The following CEP57L1 variants were observed in gnomAD, a reference collection of about 807,000 sequenced individuals.
The protein encoded by CEP57L1 is centrosomal protein 57 like 1, also known as centrosomal protein CEP57L1.
CEP57L1 carries 37 observed loss-of-function variants against 61.0 expected under a neutral mutation model. That is an observed-to-expected ratio of 0.61 (90% confidence interval 0.47 to 0.80). The LOEUF (loss-of-function observed/expected upper bound fraction) is 0.80, where lower values mean the gene tolerates loss of function less well. Ranked by LOEUF, CEP57L1 falls within the 30% of genes least tolerant of loss-of-function variation. CEP57L1 has a pLI of 0.00. For missense variants in CEP57L1, 422 were observed against 524.7 expected (o/e 0.80, Z 1.91); for synonymous variants, 137 against 162.3 (o/e 0.84, Z 1.19).
At position 109,159,326 on chromosome 6, in the gene CEP57L1, A is replaced by T. The variant is rs1413585619; in HGVS notation, c.880A>T (p.Arg294Ter). The T allele has an allele frequency of 6.2e-7, 1 of 1,614,006 alleles. No homozygotes were observed. The highest frequency in any genetic ancestry group is 2.2e-5 in the East Asian group (1 of 44,888). ...GAAACCTTTTAACGTGACTGAGACTAGATGTCTCCCCAAGCCTTCTAGAAC... is the reference window on the plus strand; with the variant it reads ...GAAACCTTTTAACGTGACTGAGACTTGATGTCTCCCCAAGCCTTCTAGAAC... ...LQKPFNVTET[R>*]CLPKPSRTTS... Residue 294 changes from arginine to a stop codon, truncating the protein, a stop_gained, in exon 9 of 11, where the codon AGA (arginine) becomes TGA (stop). Coordinates refer to ENST00000517392, the MANE Select transcript of CEP57L1 (RefSeq NM_001271852.3). LOFTEE classifies it high-confidence loss of function.
intron 1 of CEP57L1, among the ~76,000 whole-genome samples, chr6:109,121,700 G>A (rs1772990875): frequency 6.6e-6 from 1 of 152,162 alleles, no homozygotes; most frequent in Non-Finnish European, 1.5e-5. Flanking sequence ...CATTTACATA[G>A]ACTCTAGGGT....
Position 109,116,732 on chromosome 6 carries a change from T to C in CEP57L1, c.-4+21157T>C, listed in dbSNP as rs141898943. On this transcript the variant is annotated intron_variant, in intron 1 of 10. Transcript: ENST00000517392. ...CTAAAAATCTCCAGTAATGCCTTAA[T>C]TCAAAACAGGCCCAGACAATTTGAC... 3.7e-3 allele frequency among the ~76,000 whole-genome samples: 557 copies of C among 152,262 alleles called. 12 individuals are homozygous for C. The highest frequency in any genetic ancestry group is 1.5e-3 in the East Asian group (8 of 5,186).
rs1225416520 is a variant in CEP57L1 at position 109,172,885 on chromosome 6, G to A, written c.*9915G>A. The stretch of plus-strand genomic sequence containing the variant: ...CTGGAGGCTTTTTCAAGCCCAAGAG[G>A]TTGTCATTTCTTTATGTGTAAGATA... On this transcript the variant is annotated 3_prime_UTR_variant, in exon 11 of 11. Coordinates refer to ENST00000517392, the MANE Select transcript of CEP57L1 (RefSeq NM_001271852.3). Among the ~76,000 whole-genome samples, 7 of 152,174 alleles carry A rather than the reference G, an allele frequency of 4.6e-5. No homozygotes were observed. Among genetic ancestry groups the A allele is most frequent in the Non-Finnish European group, 1.0e-4 (7 of 68,030 alleles).
At position 109,127,682 on chromosome 6, in the gene CEP57L1, G is replaced by A. The variant is rs192627237; in HGVS notation, c.-3-17537G>A. Among the ~76,000 whole-genome samples, 40 of 151,848 alleles carry A rather than the reference G, an allele frequency of 2.6e-4. 1 individual carries two copies. The highest frequency in any genetic ancestry group is 2.3e-3 in the East Asian group (12 of 5,158). On this transcript the variant is annotated intron_variant, in intron 1 of 10. Coordinates refer to ENST00000517392, the MANE Select transcript of CEP57L1 (RefSeq NM_001271852.3). ...GTCACCCAGGCTGGAGTGCAGTGGC[G>A]CAGTCTCGGCTTGCTGCAACCTCCG...
At chr6:109,128,735 AG>A (rs1365505430) in intron 1 of CEP57L1, among the ~76,000 whole-genome samples, 1 of 152,202 alleles carries the variant, frequency 6.6e-6, no homozygotes, top group African/African-American at 2.4e-5. Context: ...CAAATTCACT[AG>A]GATCTATCAT....
At chr6:109,139,235 T>C (rs1771076760) in intron 1 of CEP57L1, among the ~76,000 whole-genome samples, 1 of 152,198 alleles carries the variant, frequency 6.6e-6, no homozygotes, top group Admixed American at 6.5e-5. Context: ...AGCTGGACAG[T>C]GTGAGATTTC....
intron 1 of CEP57L1, among the ~76,000 whole-genome samples, chr6:109,111,265 G>C (rs188888625): frequency 1.3e-5 from 2 of 152,046 alleles, no homozygotes; most frequent in Non-Finnish European, 2.9e-5. Flanking sequence ...TGTATTCCTA[G>C]GTATTTTTTT....
rs964930290 is a variant in CEP57L1 at position 109,164,947 on chromosome 6, G to A, written c.*1977G>A. Among the ~76,000 whole-genome samples the A allele has an allele frequency of 2.6e-5, 4 of 151,778 alleles. No individual in the cohort carries two copies. Among genetic ancestry groups the A allele is most frequent in the East Asian group, 1.9e-4 (1 of 5,150 alleles). On this transcript the variant is annotated 3_prime_UTR_variant, in exon 11 of 11. Transcript: ENST00000517392. ...ACAAAAATTAGCCGGGTGTGGTGGC[G>A]CATGCCTGTAATCCCAGCTACTTGG...
In CEP57L1 at chr6:109,159,081, A is replaced by T; in HGVS notation, c.801A>T (p.Ala267=). 6.2e-7 allele frequency: 1 copy of T among 1,613,988 alleles called. No individual in the cohort carries two copies. The highest frequency in any genetic ancestry group is 8.5e-7 in the Non-Finnish European group (1 of 1,179,924). ...GGCAAATTTGTTCAAAGTTTGGAGC[A>T]CTGCCTTTTGTGGCTGAAAAGGTGA... ...PPWQICSKFG[A]LPFVAEKMRQ... The change falls in exon 8 of 11, where the codon GCA becomes GCT. Residue 267 remains alanine, a synonymous_variant. Transcript: ENST00000517392.
rs548078560 is a variant in CEP57L1, at chr6:109,134,992, A to G, written c.-3-10227A>G. Reference sequence around the variant, plus strand: ...TCGTGAAAATGGCCATACTGCCCAAAGTAATTTATAGATTCAATGCCATCC... The same window carrying G: ...TCGTGAAAATGGCCATACTGCCCAAGGTAATTTATAGATTCAATGCCATCC... On this transcript the variant is annotated intron_variant, in intron 1 of 10. Coordinates refer to ENST00000517392, the MANE Select transcript of CEP57L1 (RefSeq NM_001271852.3). Among the ~76,000 whole-genome samples, 1,271 of 152,238 alleles carry G rather than the reference A, an allele frequency of 8.3e-3. 23 individuals are homozygous for G. Among genetic ancestry groups the G allele is most frequent in the African/African-American group, 0.029 (1,219 of 41,520 alleles).
At position 109,155,324 on chromosome 6, in the gene CEP57L1, A is replaced by G. The variant is rs780233503; in HGVS notation, c.657+17A>G. 1 of 1,348,206 alleles carries G rather than the reference A, an allele frequency of 7.4e-7. No individual in the cohort carries two copies. Among genetic ancestry groups the G allele is most frequent in the East Asian group, 2.4e-5 (1 of 41,128 alleles). The allele number at this position is 1,348,206 out of a possible 1,614,324, so 83.5% of individuals were successfully genotyped here. A position where few individuals can be genotyped will look rare whatever the true frequency, so the allele number is the denominator to read the frequency against. On this transcript the variant is annotated intron_variant, in intron 6 of 10. Transcript: ENST00000517392. ...GCTTCTGAGGTAAATATAGCACTAT[A>G]TAATCTATCACAGTAAACCATATAT... is the stretch of plus-strand genomic sequence containing the variant.
At chr6:109,104,613 A>T (rs1179937242) in intron 1 of CEP57L1, among the ~76,000 whole-genome samples, 4 of 151,888 alleles carry the variant, frequency 2.6e-5, no homozygotes, top group Admixed American at 2.6e-4. Context: ...ACAGAATCCC[A>T]CTCTGTTGCC....
intron 1 of CEP57L1, among the ~76,000 whole-genome samples, chr6:109,139,806 A>G (rs138446701): frequency 6.6e-6 from 1 of 151,956 alleles, no homozygotes; most frequent in East Asian, 1.9e-4. Context: ...TAATTTTTGT[A>G]TATTTAAGAG....
Position 109,165,162 on chromosome 6 carries a change from GA to G in CEP57L1, c.*2198del, listed in dbSNP as rs924557171. On this transcript the variant is annotated 3_prime_UTR_variant, in exon 11 of 11. Coordinates refer to ENST00000517392, the MANE Select transcript of CEP57L1 (RefSeq NM_001271852.3). ...TCTTAAAAATTAGTCCAGTGTAGTA[GA>G]AAAAACCACAACTTCAGAGCTAGGA... 6.6e-6 allele frequency among the ~76,000 whole-genome samples: 1 copy of G among 151,920 alleles called. No homozygotes were observed. Among genetic ancestry groups the G allele is most frequent in the East Asian group, 1.9e-4 (1 of 5,180 alleles).
Position 109,168,891 on chromosome 6 carries a change from T to C in CEP57L1, c.*5921T>C, listed in dbSNP as rs1774271856. On this transcript the variant is annotated 3_prime_UTR_variant, in exon 11 of 11. Transcript: ENST00000517392. ...GATTACAGGCGTGAGCCACCATGCC[T>C]GGCCAGCATTTTTTAAATGATATAA... Among the ~76,000 whole-genome samples, 1 of 150,674 alleles carries C rather than the reference T, an allele frequency of 6.6e-6. No homozygotes were observed. The highest frequency in any genetic ancestry group is 6.6e-5 in the Admixed American group (1 of 15,138).
chr6:109,156,121 CA>C (rs1182909749), intron 7 of CEP57L1: 1 of 303,916 alleles, frequency 3.3e-6, no homozygotes, highest in Non-Finnish European at 6.1e-6. Flanking sequence ...GCTTGACAAC[CA>C]AAGCAAAAAG....
chr6:109,124,191 G>A (rs900067077), intron 1 of CEP57L1, among the ~76,000 whole-genome samples: 1 of 152,090 alleles, frequency 6.6e-6, no homozygotes, highest in African/African-American at 2.4e-5. Context: ...CTTCATAAAA[G>A]TCTTTATTAA....
chr6:109,098,388 C>T (rs1203502541), intron 1 of CEP57L1, among the ~76,000 whole-genome samples: 1 of 152,134 alleles, frequency 6.6e-6, no homozygotes, highest in Non-Finnish European at 1.5e-5. Context: ...CTCAAGTGAT[C>T]CACCCACCTC....
At chr6:109,110,806 T>A (rs544250574) in intron 1 of CEP57L1, among the ~76,000 whole-genome samples, 2 of 152,358 alleles carry the variant, frequency 1.3e-5, no homozygotes, top group South Asian at 4.1e-4. Flanking sequence ...TGCTTGTTTT[T>A]GTCAGCTTTG....
Sources: allele counts gnomAD v4.1 joint callset (sites outside exome capture counted in the v4.1 genomes callset), GRCh38; gene constraint gnomAD v4.1.1; transcripts MANE v1.5; gene names NCBI Gene and HGNC (gene_info 2026-07-23, HGNC 2026-07-21).